CAMTA1: variants seen among roughly 807,000 people sequenced by gnomAD.
CAMTA1 encodes calmodulin-binding transcription activator 1.
In CAMTA1, 27 loss-of-function variants were observed where a neutral mutation model predicts 170.9. The observed-to-expected ratio is 0.16, with a 90% CI of 0.12 to 0.22. The LOEUF (loss-of-function observed/expected upper bound fraction) is 0.22, where lower values mean the gene tolerates loss of function less well. CAMTA1 is among the 10% of genes least tolerant of loss of function. The pLI, the probability that CAMTA1 is intolerant of heterozygous loss-of-function variation, is 1.00. For missense variants in CAMTA1, 1,619 were observed against 2,217.2 expected (o/e 0.73, Z 5.42); for synonymous variants, 833 against 891.5 (o/e 0.93, Z 1.17).
intron 5 of CAMTA1, among the ~76,000 whole-genome samples, chr1:7,384,426 C>T (rs897060349): frequency 1.3e-5 from 2 of 152,216 alleles, no homozygotes; most frequent in Admixed American, 6.5e-5. Flanking sequence ...TTCATGTCCA[C>T]TGCCCTGTGG....
rs930998775 is a variant in CAMTA1 at position 6,988,452 on chromosome 1, A to T, written c.235-102852A>T. On this transcript the variant is annotated intron_variant, in intron 3 of 22. Coordinates refer to ENST00000303635, the MANE Select transcript of CAMTA1 (RefSeq NM_015215.4). ...ACTTATATACAATAAAAACCCGAGTATTGTACAAAGTGATACTTCTTAGGT... is the reference window on the plus strand; with the variant it reads ...ACTTATATACAATAAAAACCCGAGTTTTGTACAAAGTGATACTTCTTAGGT... 3.9e-5 allele frequency among the ~76,000 whole-genome samples: 6 copies of T among 152,174 alleles called. No homozygotes were observed. The South Asian group carries it at 1.2e-3, about 31-fold the overall frequency.
intron 11 of CAMTA1, among the ~76,000 whole-genome samples, chr1:7,705,886 T>C (rs1359259362): frequency 6.6e-6 from 1 of 152,312 alleles, no homozygotes; most frequent in East Asian, 1.9e-4. Flanking sequence ...GAGAGCACTT[T>C]CCACGCGCAG....
chr1:6,952,439 GA>G (rs909535753), intron 3 of CAMTA1, among the ~76,000 whole-genome samples: 9 of 30,244 alleles, frequency 3.0e-4, no homozygotes, highest in African/African-American at 8.1e-4. Context: ...TCAAAAAAAA[GA>G]AAAAAAAAAA....
At chr1:6,877,024 C>T (rs1477712608) in intron 3 of CAMTA1, among the ~76,000 whole-genome samples, 1 of 152,174 alleles carries the variant, frequency 6.6e-6, no homozygotes, top group Non-Finnish European at 1.5e-5. Context: ...GAGAAAGGTG[C>T]TTCTTCGGTG....
chr1:6,889,264 C>G (rs1673998216), intron 3 of CAMTA1, among the ~76,000 whole-genome samples: 1 of 152,112 alleles, frequency 6.6e-6, no homozygotes, highest in African/African-American at 2.4e-5. Flanking sequence ...ATCTTACACT[C>G]TTATGAAAGT....
rs970128792 is a variant in CAMTA1, at chr1:6,887,924, C to T, written c.234+62714C>T. The T allele has an allele frequency of 1.1e-4, 149 of 1,333,748 alleles. No homozygotes were observed. The African/African-American group carries it at 1.6e-3, about 15-fold the overall frequency. The allele number at this position is 1,333,748 out of a possible 1,614,324, so 82.6% of individuals were successfully genotyped here. ...ATCCGGAGTTATTACGAAGGAGCTC[C>T]GCAGCCTGACTGAGCTCTGGAGAGC... On this transcript the variant is annotated intron_variant, in intron 3 of 22. Transcript: ENST00000303635. The surrounding 1 kb of genome is among the most constrained non-coding windows in gnomAD (Gnocchi z 4.1).
intron 3 of CAMTA1, among the ~76,000 whole-genome samples, chr1:6,886,968 A>G (rs763272912): frequency 4.6e-5 from 7 of 152,224 alleles, no homozygotes; most frequent in Non-Finnish European, 1.0e-4. Context: ...GAAGTATTAT[A>G]TTCTTCTAAT....
At chr1:7,340,930 G>A (rs566539686) in intron 5 of CAMTA1, among the ~76,000 whole-genome samples, 1 of 152,172 alleles carries the variant, frequency 6.6e-6, no homozygotes, top group African/African-American at 2.4e-5. Flanking sequence ...AGGAGTGAAC[G>A]CCATGATAAA....
At chr1:7,206,822 G>A (rs1657823516) in intron 4 of CAMTA1, among the ~76,000 whole-genome samples, 1 of 152,136 alleles carries the variant, frequency 6.6e-6, no homozygotes, top group Non-Finnish European at 1.5e-5. Context: ...AGTGCAAATG[G>A]CACAGAAGCA....
rs1643293336 is a variant in CAMTA1, at chr1:7,104,144, CACA to C, written c.302+12777_302+12779del. ...CAACACACATAACTACACACGTACA[CACA>C]ACACACATATGCATACAACTACACA... On this transcript the variant is annotated intron_variant, in intron 4 of 22. Transcript: ENST00000303635. Among the ~76,000 whole-genome samples the C allele has an allele frequency of 3.3e-5, 5 of 150,840 alleles. No homozygotes were observed. In the South Asian group the frequency reaches 1.1e-3, roughly 32 times the overall value.
intron 4 of CAMTA1, among the ~76,000 whole-genome samples, chr1:7,130,765 A>G (rs1396893263): frequency 6.6e-6 from 1 of 151,978 alleles, no homozygotes; most frequent in African/African-American, 2.4e-5. Flanking sequence ...AATCTCTCCA[A>G]CTGTTTGTCT....
At chr1:7,662,210 T>C (rs2095965572) in intron 8 of CAMTA1, among the ~76,000 whole-genome samples, 1 of 152,222 alleles carries the variant, frequency 6.6e-6, no homozygotes, top group Admixed American at 6.5e-5. Flanking sequence ...GGGCATCCTC[T>C]GCCAGAGGGC....
intron 5 of CAMTA1, among the ~76,000 whole-genome samples, chr1:7,415,017 C>T (rs2091062001): frequency 6.6e-6 from 1 of 151,096 alleles, no homozygotes; most frequent in Admixed American, 6.6e-5. Context: ...TCGTTATGTA[C>T]CCAGTAGTCA....
chr1:7,720,471 T>C (rs556117156), intron 11 of CAMTA1, among the ~76,000 whole-genome samples: 1 of 152,224 alleles, frequency 6.6e-6, no homozygotes, highest in African/African-American at 2.4e-5. Flanking sequence ...AACCTCCCTC[T>C]CCCAGGTTCA....
intron 5 of CAMTA1, among the ~76,000 whole-genome samples, chr1:7,465,737 G>A (rs1384357816): frequency 6.6e-6 from 1 of 152,176 alleles, no homozygotes; most frequent in East Asian, 1.9e-4. Flanking sequence ...TCTTTTGTAG[G>A]TTCACAGAGG....
rs555499481 is a variant in CAMTA1 at position 7,467,531 on chromosome 1, C to T, written c.439-299C>T. On this transcript the variant is annotated intron_variant, in intron 5 of 22. Transcript: ENST00000303635. ...CCCTAAAATTATAGGAAAATGCATA[C>T]GTAGGTACATTTCCCTGGTCCTTGG... 4.0e-4 allele frequency among the ~76,000 whole-genome samples: 61 copies of T among 152,330 alleles called. 1 individual carries two copies. Among genetic ancestry groups the T allele is most frequent in the East Asian group, 1.9e-4 (1 of 5,170 alleles).
intron 3 of CAMTA1, among the ~76,000 whole-genome samples, chr1:6,917,837 A>C (rs1681155337): frequency 1.2e-5 from 1 of 85,562 alleles, no homozygotes. Flanking sequence ...GGCAGAAGCA[A>C]AACCCATCGG....
intron 3 of CAMTA1, among the ~76,000 whole-genome samples, chr1:7,058,490 G>C (rs1013744875): frequency 6.6e-6 from 1 of 152,158 alleles, no homozygotes; most frequent in South Asian, 2.1e-4. Flanking sequence ...TTGAAAGGCC[G>C]GGGCAGGTGC....
chr1:6,794,097 A>T (rs772606619), intron 1 of CAMTA1, among the ~76,000 whole-genome samples: 4 of 152,256 alleles, frequency 2.6e-5, no homozygotes, highest in Non-Finnish European at 5.9e-5. Context: ...AAGAAATGGA[A>T]TGTTGATAGG....
Sources: allele counts gnomAD v4.1 joint callset (sites outside exome capture counted in the v4.1 genomes callset), GRCh38; gene constraint gnomAD v4.1.1; non-coding constraint Gnocchi (gnomAD v3.1); transcripts MANE v1.5; gene names NCBI Gene and HGNC (gene_info 2026-07-23, HGNC 2026-07-21).